The following ARHGAP20 variants were observed in gnomAD, a reference collection of about 807,000 sequenced individuals.
ARHGAP20 encodes the protein rho GTPase-activating protein 20.
ARHGAP20 carries 34 observed loss-of-function variants against 73.7 expected under a neutral mutation model. The ratio of observed to expected loss-of-function variants is 0.46; its 90% CI spans 0.35 to 0.61. The LOEUF is 0.61. ARHGAP20 is among the 20% of genes least tolerant of loss of function. The pLI, the probability that ARHGAP20 is intolerant of heterozygous loss-of-function variation, is 0.00. For missense variants in ARHGAP20, 1,314 were observed against 1,420.9 expected (o/e 0.92, Z 1.21); for synonymous variants, 523 against 518.2 (o/e 1.01, Z -0.13).
intron 1 of ARHGAP20, among the ~76,000 whole-genome samples, chr11:110,702,380 G>A (rs1445571336): frequency 1.3e-5 from 2 of 152,122 alleles, no homozygotes; most frequent in Admixed American, 1.3e-4. Context: ...TTGATGGGAT[G>A]TATCTCAAAA....
Position 110,579,201 on chromosome 11 carries a change from A to G in ARHGAP20, c.*169T>C. ...GGTGACAAAATTTTTAGCATAAAGT[A>G]TTTGTCAAGTAGTCTCAATAAAGAG... On this transcript the variant is annotated 3_prime_UTR_variant, in exon 15 of 15. Transcript: ENST00000683387. The G allele has an allele frequency of 3.0e-6, 4 of 1,311,754 alleles. No individual in the cohort carries two copies. The highest frequency in any genetic ancestry group is 3.9e-6 in the Non-Finnish European group (4 of 1,028,792). The allele number at this position is 1,311,754 out of a possible 1,614,324, so 81.3% of individuals were successfully genotyped here.
chr11:110,646,466 A>G (rs1949196075), intron 2 of ARHGAP20, among the ~76,000 whole-genome samples: 1 of 152,174 alleles, frequency 6.6e-6, no homozygotes, highest in South Asian at 2.1e-4. Context: ...CAACGATTTG[A>G]CTGAAGTATC....
chr11:110,684,410 ATAT>A (rs1198984435), intron 2 of ARHGAP20, among the ~76,000 whole-genome samples: 3 of 152,188 alleles, frequency 2.0e-5, no homozygotes, highest in Non-Finnish European at 2.9e-5. Flanking sequence ...TTATCTAGAC[ATAT>A]TATTGGTACA....
At chr11:110,696,696 G>GTTTTTTTTCTCTT (rs1950342667) in intron 1 of ARHGAP20, among the ~76,000 whole-genome samples, 1 of 151,598 alleles carries the variant, frequency 6.6e-6, no homozygotes, top group African/African-American at 2.4e-5. Context: ...GTATCTGATA[G>GTTTTTTTTCTCTT]GTAGTTTTTC....
intron 2 of ARHGAP20, among the ~76,000 whole-genome samples, chr11:110,651,094 C>A (rs965632548): frequency 6.6e-6 from 1 of 152,122 alleles, no homozygotes; most frequent in Admixed American, 6.6e-5. Context: ...CACTCAAAAC[C>A]ACACAACTAC....
intron 12 of ARHGAP20, among the ~76,000 whole-genome samples, 157 bp downstream of exon 12, chr11:110,586,059 T>A (rs1481297821): frequency 6.6e-6 from 1 of 152,212 alleles, no homozygotes; most frequent in Non-Finnish European, 1.5e-5. Context: ...AATGTTCAAC[T>A]ATAAGATTAA....
intron 9 of ARHGAP20, among the ~76,000 whole-genome samples, chr11:110,605,762 G>A (rs1948211505): frequency 6.6e-6 from 1 of 152,202 alleles, no homozygotes; most frequent in Non-Finnish European, 1.5e-5. Flanking sequence ...GATCTCTCAA[G>A]GTCTACGCCA....
chr11:110,609,149 C>A, intron 7 of ARHGAP20, 99 bp from the exon 8 acceptor site: 1 of 974,598 alleles, frequency 1.0e-6, no homozygotes, highest in South Asian at 1.4e-5. Flanking sequence ...CTCCCTCCTG[C>A]CCCCTACCCA....
intron 4 of ARHGAP20, among the ~76,000 whole-genome samples, chr11:110,616,521 G>A (rs989588775): frequency 3.3e-5 from 5 of 152,056 alleles, no homozygotes; most frequent in East Asian, 1.9e-4. Flanking sequence ...CTACAGATGC[G>A]TGCCACAAGG....
At position 110,615,607 on chromosome 11, in the gene ARHGAP20, A is replaced by C; in HGVS notation, c.504-13T>G. The C allele has an allele frequency of 6.2e-7, 1 of 1,610,358 alleles. No individual in the cohort carries two copies. The highest frequency in any genetic ancestry group is 8.5e-7 in the Non-Finnish European group (1 of 1,178,050). ...TTGTTCTGGAGAACTGCAATCAAAG[A>C]AAATGGGAGAGAAAAATTAAACCAC... is the stretch of plus-strand genomic sequence containing the variant. On this transcript the variant is annotated splice_polypyrimidine_tract_variant and intron_variant, in intron 4 of 14. Coordinates refer to ENST00000683387, the MANE Select transcript of ARHGAP20 (RefSeq NM_001384657.1).
chr11:110,702,932 T>A (rs1446671090), intron 1 of ARHGAP20, among the ~76,000 whole-genome samples: 1 of 152,138 alleles, frequency 6.6e-6, no homozygotes, highest in African/African-American at 2.4e-5. Flanking sequence ...GTAGGAAGAA[T>A]CAATATCATG....
chr11:110,593,087 TTGAA>T (rs1409859867), intron 9 of ARHGAP20, among the ~76,000 whole-genome samples: 2 of 152,140 alleles, frequency 1.3e-5, no homozygotes, highest in Non-Finnish European at 2.9e-5. Flanking sequence ...GACTTGGATT[TTGAA>T]TGAACAAGAT....
Position 110,680,658 on chromosome 11 carries a change from T to C in ARHGAP20, c.188+9889A>G, listed in dbSNP as rs542627619. The stretch of plus-strand genomic sequence containing the variant: ...AAGAAATTAAATGGATGTGCTGTTC[T>C]GTAGCTACAAAAATAAATTAATTTG... On this transcript the variant is annotated intron_variant, in intron 2 of 14. Coordinates refer to ENST00000683387, the MANE Select transcript of ARHGAP20 (RefSeq NM_001384657.1). Among the ~76,000 whole-genome samples, 20 of 152,294 alleles carry C rather than the reference T, an allele frequency of 1.3e-4. No homozygotes were observed. In the South Asian group the frequency reaches 3.7e-3, roughly 28 times the overall value.
At chr11:110,650,113 C>T (rs1949316406) in intron 2 of ARHGAP20, among the ~76,000 whole-genome samples, 2 of 152,100 alleles carry the variant, frequency 1.3e-5, no homozygotes, top group Admixed American at 1.3e-4. Context: ...CAATGTGCTA[C>T]TTAGCACTTA....
At chr11:110,692,799 C>A (rs1950268356) in intron 1 of ARHGAP20, among the ~76,000 whole-genome samples, 1 of 151,956 alleles carries the variant, frequency 6.6e-6, no homozygotes, top group Non-Finnish European at 1.5e-5. Context: ...GGAAAGTTAG[C>A]ATCTTCCAAG....
intron 2 of ARHGAP20, among the ~76,000 whole-genome samples, chr11:110,638,783 A>G (rs569530574): frequency 1.9e-4 from 29 of 151,626 alleles, no homozygotes; most frequent in South Asian, 1.3e-3. Context: ...TCTCACTCAT[A>G]GGTGGGAACT....
chr11:110,639,500 AC>A (rs1482563029), intron 2 of ARHGAP20, among the ~76,000 whole-genome samples: 1 of 151,874 alleles, frequency 6.6e-6, no homozygotes, highest in Non-Finnish European at 1.5e-5. Flanking sequence ...GTGTTGTAAA[AC>A]CATTATCACT....
intron 2 of ARHGAP20, among the ~76,000 whole-genome samples, chr11:110,655,865 T>A (rs559051682): frequency 6.6e-6 from 1 of 152,308 alleles, no homozygotes; most frequent in African/African-American, 2.4e-5. Flanking sequence ...TCTCTGAGTA[T>A]CTTCCATGGG....
At chr11:110,626,515 G>A (rs1452506512) in intron 3 of ARHGAP20, among the ~76,000 whole-genome samples, 2 of 152,184 alleles carry the variant, frequency 1.3e-5, no homozygotes. Flanking sequence ...TTACAGGTAA[G>A]GAAATGGAGT....
Sources: gnomAD v4.1 joint callset for allele counts (sites outside exome capture counted in the v4.1 genomes callset) on GRCh38, gnomAD v4.1.1 for gene constraint, MANE v1.5 for transcripts, NCBI Gene and HGNC (gene_info 2026-07-23, HGNC 2026-07-21) for gene names.